Variants in C9orf85 observed in about 807,000 individuals in gnomAD.
The protein encoded by C9orf85 is uncharacterized protein C9orf85.
In C9orf85, 16 loss-of-function variants were observed where a neutral mutation model predicts 14.9. The ratio of observed to expected loss-of-function variants is 1.08; its 90% confidence interval spans 0.73 to 1.63. The LOEUF is 1.63. C9orf85 is among the 40% of genes most tolerant of loss of function. The probability of loss-of-function intolerance (pLI) is 0.00; values close to 1 mark genes in which losing one functional copy is unlikely to be tolerated. For missense variants in C9orf85, 172 were observed against 186.1 expected, an observed-to-expected ratio of 0.92 and a Z score of 0.44; for synonymous variants, 45 against 56.8, an observed-to-expected ratio of 0.79 and a Z score of 0.93.
intron 1 of C9orf85, among the ~76,000 whole-genome samples, chr9:71,941,320 G>C (rs1334700910): frequency 1.3e-5 from 2 of 152,190 alleles, no homozygotes; most frequent in South Asian, 4.1e-4. Flanking sequence ...GTTGTAATTT[G>C]AAGAGATCTG....
chr9:71,946,601 T>TCA (rs1564091607), intron 1 of C9orf85, among the ~76,000 whole-genome samples: 1 of 152,058 alleles, frequency 6.6e-6, no homozygotes, highest in Non-Finnish European at 1.5e-5. Context: ...AAAACCACCC[T>TCA]GGGCAACATG....
At chr9:71,972,062 T>C (rs1219661064) in intron 3 of C9orf85, among the ~76,000 whole-genome samples, 1 of 151,704 alleles carries the variant, frequency 6.6e-6, no homozygotes, top group Non-Finnish European at 1.5e-5. Flanking sequence ...ACTTTTAAAA[T>C]TATTTTTCTA....
intron 2 of C9orf85, among the ~76,000 whole-genome samples, chr9:71,951,118 T>TG (rs1340217856): frequency 1.3e-5 from 2 of 152,190 alleles, no homozygotes; most frequent in Non-Finnish European, 2.9e-5. Context: ...CTTTTTTCAG[T>TG]GAGGTGACAT....
intron 2 of C9orf85, among the ~76,000 whole-genome samples, chr9:71,952,521 C>T (rs1401045342): frequency 3.3e-5 from 5 of 152,114 alleles, no homozygotes; most frequent in African/African-American, 1.2e-4. Flanking sequence ...CCCACCACCA[C>T]ACCCGGCTAA....
At chr9:71,976,628 C>G (rs112998783), downstream of C9orf85, among the ~76,000 whole-genome samples, 8,577 of 150,814 alleles carry the variant, frequency 0.057, 345 homozygotes, top group Non-Finnish European at 0.083. Context: ...CGCCACTGCA[C>G]TCCAGCCTGG....
intron 1 of C9orf85, among the ~76,000 whole-genome samples, chr9:71,931,201 G>C (rs898387915): frequency 6.6e-5 from 10 of 152,178 alleles, no homozygotes; most frequent in African/African-American, 2.4e-4. Flanking sequence ...ATCTGGGGGT[G>C]ATGCCTTTTG....
At chr9:71,951,674 A>T (rs1471056901) in intron 2 of C9orf85, among the ~76,000 whole-genome samples, 1 of 152,194 alleles carries the variant, frequency 6.6e-6, no homozygotes, top group African/African-American at 2.4e-5. Context: ...GGTTCAGGAA[A>T]AGTCTAAATC....
intron 1 of C9orf85, among the ~76,000 whole-genome samples, chr9:71,935,267 C>G (rs1309031034): frequency 3.3e-5 from 5 of 152,104 alleles, no homozygotes; most frequent in Non-Finnish European, 5.9e-5. Context: ...CTGGGTATAT[C>G]CCCAAAAGAA....
rs377018995 is a variant in C9orf85 at position 71,944,356 on chromosome 9, A to G, written c.103-2650A>G. Among the ~76,000 whole-genome samples, 15 of 152,158 alleles carry G rather than the reference A, an allele frequency of 9.9e-5. 1 individual carries two copies. Among genetic ancestry groups the G allele is most frequent in the Admixed American group, 5.2e-4 (8 of 15,270 alleles). On this transcript the variant is annotated intron_variant, in intron 1 of 3. Coordinates refer to ENST00000334731, the MANE Select transcript of C9orf85 (RefSeq NM_182505.5). The stretch of plus-strand genomic sequence containing the variant: ...TCTAACTTTGAAAAGTATTCATTTG[A>G]TAAGTAAGGGTTTCTTCTTTCACTG...
downstream of C9orf85, among the ~76,000 whole-genome samples, chr9:71,975,168 G>C (rs1434052522): frequency 6.6e-6 from 1 of 152,174 alleles, no homozygotes; most frequent in Non-Finnish European, 1.5e-5. Context: ...GAAAGTGGAG[G>C]CTGGGTGAGT....
At chr9:71,938,555 T>G (rs1295104728) in intron 1 of C9orf85, among the ~76,000 whole-genome samples, 1 of 151,956 alleles carries the variant, frequency 6.6e-6, no homozygotes, top group African/African-American at 2.4e-5. Flanking sequence ...AACAAGAACA[T>G]GAACTATTTT....
chr9:71,933,883 A>C (rs979807261), intron 1 of C9orf85, among the ~76,000 whole-genome samples: 3 of 152,024 alleles, frequency 2.0e-5, no homozygotes, highest in Admixed American at 1.3e-4. Flanking sequence ...TCTGATCCCG[A>C]ATTTTTAGAC....
chr9:71,974,626 T>C (rs1822970138), downstream of C9orf85, among the ~76,000 whole-genome samples: 1 of 152,210 alleles, frequency 6.6e-6, no homozygotes, highest in Non-Finnish European at 1.5e-5. Context: ...TGAGCATTGT[T>C]ACATGTGTCT....
intron 2 of C9orf85, among the ~76,000 whole-genome samples, chr9:71,948,889 C>G (rs1470780500): frequency 2.0e-5 from 3 of 149,924 alleles, no homozygotes; most frequent in Non-Finnish European, 4.4e-5. Flanking sequence ...CATTTCCTCC[C>G]AAAAGAAAAC....
chr9:71,980,163 G>A (rs1431632336), intron 3 of C9orf85, among the ~76,000 whole-genome samples: 1 of 151,764 alleles, frequency 6.6e-6, no homozygotes, highest in Non-Finnish European at 1.5e-5. Flanking sequence ...ACAGGTGCGC[G>A]CCACCATGCC....
chr9:71,969,368 C>T (rs1238653028), intron 2 of C9orf85, among the ~76,000 whole-genome samples: 2 of 152,108 alleles, frequency 1.3e-5, no homozygotes, highest in East Asian at 3.9e-4. Flanking sequence ...TCTCAATCTC[C>T]TGGCCTCAAG....
intron 1 of C9orf85, among the ~76,000 whole-genome samples, chr9:71,946,335 T>C (rs966229013): frequency 6.6e-6 from 1 of 152,200 alleles, no homozygotes; most frequent in Non-Finnish European, 1.5e-5. Flanking sequence ...CGGGGAGGAT[T>C]TGAATTGTTG....
chr9:71,926,254 A>C (rs1457952462), intron 1 of C9orf85, among the ~76,000 whole-genome samples: 1 of 152,238 alleles, frequency 6.6e-6, no homozygotes, highest in Admixed American at 6.5e-5. Flanking sequence ...TGATAGAAAT[A>C]TGCCCGATAA....
intron 3 of C9orf85, among the ~76,000 whole-genome samples, chr9:71,979,712 T>C (rs1823061626): frequency 6.6e-6 from 1 of 152,194 alleles, no homozygotes; most frequent in Non-Finnish European, 1.5e-5. Context: ...AACTGTCCAT[T>C]ATTTCTTTGT....
Sources: allele counts gnomAD v4.1 joint callset (sites outside exome capture counted in the v4.1 genomes callset), GRCh38; gene constraint gnomAD v4.1.1; transcripts MANE v1.5; gene names NCBI Gene and HGNC (gene_info 2026-07-23, HGNC 2026-07-21).